Variants in SERPINB8 observed in about 807,000 individuals in gnomAD.
SERPINB8 encodes the protein serpin family B member 8.
SERPINB8 carries 25 observed loss-of-function variants against 35.3 expected under a neutral mutation model. The observed-to-expected ratio is 0.71, with a 90% CI of 0.52 to 0.99. The LOEUF (loss-of-function observed/expected upper bound fraction) is 0.99. SERPINB8 is among the 50% of genes least tolerant of loss of function. SERPINB8 has a pLI of 0.00. For synonymous variants in SERPINB8, 186 were observed against 160.8 expected (o/e 1.16, Z -1.19); for missense variants, 484 against 446.5 (o/e 1.08, Z -0.76).
chr18:63,985,947 C>T (rs1219674015), intron 6 of SERPINB8, among the ~76,000 whole-genome samples: 1 of 152,154 alleles, frequency 6.6e-6, no homozygotes, highest in South Asian at 2.1e-4. Context: ...CCCACCATGG[C>T]CGACTTTAGT....
At chr18:63,972,101 C>A (rs764939090) in intron 1 of SERPINB8, among the ~76,000 whole-genome samples, 11 of 151,850 alleles carry the variant, frequency 7.2e-5, no homozygotes, top group Non-Finnish European at 1.2e-4. Flanking sequence ...AGCAGTACAA[C>A]CCATCACCCA....
In SERPINB8 at chr18:63,986,434, G is replaced by T; in HGVS notation, c.721-440G>T. The T allele has an allele frequency of 2.8e-6, 4 of 1,452,318 alleles. No homozygotes were observed. The South Asian group carries it at 6.2e-5, about 23-fold the overall frequency. The allele number at this position is 1,452,318 out of a possible 1,614,324, so 90.0% of individuals were successfully genotyped here. ...TCTCTTTTACTCTGAGTTGCCCTCT[G>T]ATTTAACCCTGAATAGTCCCCTCAT... On this transcript the variant is annotated intron_variant, in intron 6 of 6. Transcript: ENST00000397985.
rs755224804 is a variant in SERPINB8, at chr18:63,986,505, A to G, written c.721-369A>G. The G allele has an allele frequency of 5.1e-4, 692 of 1,347,554 alleles. 1 individual carries two copies. Among genetic ancestry groups the G allele is most frequent in the Admixed American group, 2.3e-3 (65 of 28,014 alleles). 83.5% of individuals were successfully genotyped at this position (1,347,554 alleles called of 1,614,324 possible). A position where few individuals can be genotyped will look rare whatever the true frequency, so the allele number is the denominator to read the frequency against. ...TGAGCCATGCTCTTTGTCTTTTGTC[A>G]AACAATCTCTCCCACTCACAGTAGT... is the stretch of plus-strand genomic sequence containing the variant. On this transcript the variant is annotated intron_variant, in intron 6 of 6. Coordinates refer to ENST00000397985, the MANE Select transcript of SERPINB8 (RefSeq NM_002640.4).
intron 7 of SERPINB8, among the ~76,000 whole-genome samples, chr18:64,015,952 G>A (rs1489930785): frequency 6.6e-6 from 1 of 152,194 alleles, no homozygotes; most frequent in Non-Finnish European, 1.5e-5. Flanking sequence ...GAGAACCAAG[G>A]CTTGGAGGAA....
At chr18:63,999,443 A>G (rs529568470) in intron 1 of SERPINB8, among the ~76,000 whole-genome samples, 3 of 152,112 alleles carry the variant, frequency 2.0e-5, no homozygotes, top group Non-Finnish European at 2.9e-5. Flanking sequence ...GCTGTTCCAC[A>G]TGGGAGCAAC....
chr18:63,990,517 C>T (rs2050819304), downstream of SERPINB8, among the ~76,000 whole-genome samples: 2 of 151,566 alleles, frequency 1.3e-5, no homozygotes, highest in African/African-American at 4.9e-5. Flanking sequence ...ATTTTGCACA[C>T]TTTATTTTTT....
intron 1 of SERPINB8, among the ~76,000 whole-genome samples, chr18:64,000,507 C>T (rs1278289625): frequency 6.6e-6 from 1 of 152,124 alleles, no homozygotes; most frequent in Non-Finnish European, 1.5e-5. Flanking sequence ...CTTCTCCCAC[C>T]AGACTTCATA....
intron 7 of SERPINB8, among the ~76,000 whole-genome samples, chr18:64,013,089 T>A (rs552284919): frequency 6.7e-6 from 1 of 149,094 alleles, no homozygotes; most frequent in African/African-American, 2.6e-5. Context: ...AGTTCACAAT[T>A]TTTTTTTTCT....
chr18:63,992,756 G>C (rs975102677), downstream of SERPINB8, among the ~76,000 whole-genome samples: 1 of 152,198 alleles, frequency 6.6e-6, no homozygotes, highest in Non-Finnish European at 1.5e-5. Context: ...TGGAAGAAGG[G>C]GTCGGGGGCA....
In SERPINB8 at chr18:63,981,224, C is replaced by G. The variant is rs192814237; in HGVS notation, c.307-497C>G. ...CCTTCCTTGCTCTGTATTCTTCCAACCAACCATATGACCCAGATCTAAAAT... is the reference window on the plus strand; with the variant it reads ...CCTTCCTTGCTCTGTATTCTTCCAAGCAACCATATGACCCAGATCTAAAAT... On this transcript the variant is annotated intron_variant, in intron 3 of 6. Coordinates refer to ENST00000397985, the MANE Select transcript of SERPINB8 (RefSeq NM_002640.4). 2.7e-3 allele frequency among the ~76,000 whole-genome samples: 408 copies of G among 152,348 alleles called. 3 individuals carry two copies. The highest frequency in any genetic ancestry group is 9.5e-3 in the African/African-American group (394 of 41,586).
At chr18:64,000,568 C>T (rs917234439) in intron 1 of SERPINB8, among the ~76,000 whole-genome samples, 8 of 152,170 alleles carry the variant, frequency 5.3e-5, no homozygotes, top group Non-Finnish European at 1.0e-4. Flanking sequence ...GCTTAGGACC[C>T]CCTGGGCCAG....
chr18:64,003,015 C>G (rs2050883463), intron 1 of SERPINB8, among the ~76,000 whole-genome samples: 1 of 152,230 alleles, frequency 6.6e-6, no homozygotes, highest in South Asian at 2.1e-4. Flanking sequence ...TCTTGGCCGT[C>G]TGACCGCATT....
At chr18:64,013,779 C>T (rs1029954128) in intron 7 of SERPINB8, among the ~76,000 whole-genome samples, 2 of 151,984 alleles carry the variant, frequency 1.3e-5, no homozygotes, top group Non-Finnish European at 2.9e-5. Context: ...AAAGGTGTTC[C>T]GGAAAGAAGG....
chr18:64,012,883 G>C (rs2050932032), intron 7 of SERPINB8, among the ~76,000 whole-genome samples: 2 of 152,048 alleles, frequency 1.3e-5, no homozygotes, highest in South Asian at 2.1e-4. Context: ...GCTTTTTATG[G>C]ACAAATATGT....
rs2050784418 is a variant in SERPINB8 at position 63,987,729 on chromosome 18, A to T, written c.*451A>T. ...TGCAGCCACCCTGTGTCTCATGTGC[A>T]GCTGAAATAGTGATCTGCTTCTGTC... On this transcript the variant is annotated 3_prime_UTR_variant, in exon 7 of 7. Transcript: ENST00000397985. The T allele has an allele frequency of 1.3e-5, 2 of 157,972 alleles. No homozygotes were observed. The highest frequency in any genetic ancestry group is 4.8e-5 in the African/African-American group (2 of 41,558). 9.8% of individuals were successfully genotyped at this position (157,972 alleles called of 1,614,324 possible).
chr18:63,996,697 A>G (rs2050851199), intron 1 of SERPINB8, among the ~76,000 whole-genome samples: 1 of 152,202 alleles, frequency 6.6e-6, no homozygotes, highest in Non-Finnish European at 1.5e-5. Flanking sequence ...AGGACTGATG[A>G]CTTTCACGCA....
chr18:63,987,043 C>A lies in SERPINB8; in HGVS notation c.890C>A (p.Ala297Glu). 6.2e-7 allele frequency: 1 copy of A among 1,614,184 alleles called. No individual in the cohort carries two copies. The highest frequency in any genetic ancestry group is 8.5e-7 in the Non-Finnish European group (1 of 1,180,036). Residue 297 changes from alanine (A) to glutamate (E), a missense_variant, in exon 7 of 7, where the codon GCA (alanine) becomes GAA (glutamate). Physicochemically the swap from Ala to Glu is moderately radical, Grantham distance 107. Coordinates refer to ENST00000397985, the MANE Select transcript of SERPINB8 (RefSeq NM_002640.4). ...GMIDAFDEAK[A>E]DFSGMSTEKN... Reference sequence around the variant, plus strand: ...ATCGATGCTTTTGACGAAGCCAAGGCAGACTTTTCTGGAATGTCAACTGAG... The same window carrying A: ...ATCGATGCTTTTGACGAAGCCAAGGAAGACTTTTCTGGAATGTCAACTGAG...
At chr18:63,992,232 G>A (rs773424279), downstream of SERPINB8, among the ~76,000 whole-genome samples, 1 of 151,986 alleles carries the variant, frequency 6.6e-6, no homozygotes. Context: ...TTTAATGTTT[G>A]GTGAAACCAT....
intron 3 of SERPINB8, 91 bp from the exon 4 acceptor site, chr18:63,981,630 T>C (rs1599142976): frequency 2.4e-6 from 2 of 848,164 alleles, no homozygotes; most frequent in East Asian, 2.4e-5. Flanking sequence ...CAAGCACTTA[T>C]TGTAGAAATG....
Sources: allele counts gnomAD v4.1 joint callset (sites outside exome capture counted in the v4.1 genomes callset), GRCh38; gene constraint gnomAD v4.1.1; transcripts MANE v1.5; gene names NCBI Gene and HGNC (gene_info 2026-07-23, HGNC 2026-07-21).